Variants in TANC1 observed in about 807,000 individuals in gnomAD.
The protein encoded by TANC1 is tetratricopeptide repeat, ankyrin repeat and coiled-coil containing 1, also known as protein TANC1.
In TANC1, 77 loss-of-function variants were observed where a neutral mutation model predicts 149.7. The observed-to-expected ratio is 0.51, with a 90% CI of 0.43 to 0.62. The LOEUF is 0.62. TANC1 is among the 20% of genes least tolerant of loss of function. The pLI is 0.00. For missense variants in TANC1, 1,985 were observed against 2,321.8 expected (o/e 0.85, Z 2.98); for synonymous variants, 854 against 925.0 (o/e 0.92, Z 1.39).
At chr2:159,184,342 G>C (rs746288887) in intron 14 of TANC1, among the ~76,000 whole-genome samples, 3 of 152,214 alleles carry the variant, frequency 2.0e-5, no homozygotes, top group Non-Finnish European at 4.4e-5. Context: ...TATGGGCAGG[G>C]TATGCAGGAG....
chr2:159,162,387 G>A (rs1044594597), intron 7 of TANC1, among the ~76,000 whole-genome samples: 1 of 152,108 alleles, frequency 6.6e-6, no homozygotes, highest in Non-Finnish European at 1.5e-5. Flanking sequence ...TCTCAAGGAC[G>A]CAGCCAGCGT....
intron 19 of TANC1, among the ~76,000 whole-genome samples, chr2:159,212,261 G>A (rs528682952): frequency 7.7e-4 from 118 of 152,316 alleles, no homozygotes; most frequent in African/African-American, 2.6e-3. Flanking sequence ...GAGCCCATGC[G>A]TCTTTGTTTT....
intron 7 of TANC1, among the ~76,000 whole-genome samples, chr2:159,162,554 C>T (rs7562520): frequency 1.3e-5 from 2 of 152,162 alleles, no homozygotes; most frequent in African/African-American, 4.8e-5. Flanking sequence ...GTTCTTTCTG[C>T]TCTTTTGCCA....
At chr2:159,007,117 C>T (rs1379019766) in intron 2 of TANC1, among the ~76,000 whole-genome samples, 1 of 138,944 alleles carries the variant, frequency 7.2e-6, no homozygotes, top group Non-Finnish European at 1.6e-5. Context: ...TACAGGTGTA[C>T]TGTTTTTTAT....
chr2:159,067,963 A>C (rs1298634235), intron 3 of TANC1, among the ~76,000 whole-genome samples: 5 of 152,254 alleles, frequency 3.3e-5, no homozygotes, highest in Non-Finnish European at 7.3e-5. Flanking sequence ...TTTAAAAGCA[A>C]CTATTGCTTT....
At chr2:159,195,944 AG>A (rs1448803144) in intron 17 of TANC1, among the ~76,000 whole-genome samples, 1 of 152,216 alleles carries the variant, frequency 6.6e-6, no homozygotes, top group Non-Finnish European at 1.5e-5. Context: ...GGGTTTAGAC[AG>A]GGCATGAAGG....
rs1313030056 is a variant in TANC1, at chr2:159,102,735, T to TTTTTC, written c.259+4902_259+4903insTTTCT. On this transcript the variant is annotated intron_variant, in intron 4 of 26. Transcript: ENST00000263635. ...TGCTTTTTTTTTTTTTTTTTTTTTT[T>TTTTTC]TGAGATGGAGTCTCGCTCTATTGCC... Among the ~76,000 whole-genome samples the TTTTTC allele has an allele frequency of 2.9e-4, 15 of 51,076 alleles. 3 individuals are homozygous for TTTTTC. The highest frequency in any genetic ancestry group is 7.4e-4 in the Non-Finnish European group (14 of 18,822). 33.5% of individuals were successfully genotyped at this position (51,076 alleles called of 152,430 possible).
At chr2:159,225,582 A>G in intron 23 of TANC1, 106 bp from the exon 24 acceptor site, 1 of 823,914 alleles carries the variant, frequency 1.2e-6, no homozygotes, top group Non-Finnish European at 2.1e-6. Flanking sequence ...TGGTCCTTGC[A>G]GCTGGGCTCC....
intron 2 of TANC1, among the ~76,000 whole-genome samples, chr2:159,057,280 A>C (rs1459409675): frequency 6.6e-6 from 1 of 152,078 alleles, no homozygotes; most frequent in African/African-American, 2.4e-5. Flanking sequence ...CCTTCACTGC[A>C]CCTCTTACCT....
intron 4 of TANC1, among the ~76,000 whole-genome samples, chr2:159,135,517 C>A (rs1381962006): frequency 1.3e-5 from 2 of 152,238 alleles, no homozygotes; most frequent in African/African-American, 4.8e-5. Flanking sequence ...GTGAGGGTTC[C>A]ATCCAGTCTT....
intron 2 of TANC1, among the ~76,000 whole-genome samples, chr2:159,024,354 C>T (rs1048787496): frequency 6.6e-6 from 1 of 152,120 alleles, no homozygotes; most frequent in Non-Finnish European, 1.5e-5. Context: ...CAGTATTGTA[C>T]GGTAATGTCC....
chr2:159,073,212 C>T (rs1002593006), intron 3 of TANC1, among the ~76,000 whole-genome samples: 6 of 152,138 alleles, frequency 3.9e-5, no homozygotes, highest in Admixed American at 6.5e-5. Context: ...CCTTGTCCCC[C>T]GACCTCTTCA....
chr2:159,201,007 AG>A (rs1485541327), intron 19 of TANC1, among the ~76,000 whole-genome samples: 1 of 152,180 alleles, frequency 6.6e-6, no homozygotes, highest in Non-Finnish European at 1.5e-5. Flanking sequence ...AGTTTACTTG[AG>A]ACGTTTGTTA....
At chr2:159,096,291 G>A (rs1191494655) in intron 3 of TANC1, among the ~76,000 whole-genome samples, 1 of 113,476 alleles carries the variant, frequency 8.8e-6, no homozygotes, top group South Asian at 3.6e-4. Context: ...AGGACTGGCT[G>A]TATTTTTTTT....
chr2:159,117,270 G>C (rs1386914762), intron 4 of TANC1, among the ~76,000 whole-genome samples: 1 of 152,170 alleles, frequency 6.6e-6, no homozygotes, highest in African/African-American at 2.4e-5. Flanking sequence ...GATTTATAGA[G>C]AAGTTGCAAA....
intron 5 of TANC1, among the ~76,000 whole-genome samples, chr2:159,140,102 G>T (rs1267509532): frequency 2.0e-5 from 3 of 151,936 alleles, no homozygotes; most frequent in Admixed American, 1.3e-4. Context: ...GCACCTCTCT[G>T]GTCCCAGCTA....
intron 18 of TANC1, among the ~76,000 whole-genome samples, chr2:159,197,625 A>G: frequency 7.0e-6 from 1 of 143,750 alleles, no homozygotes; most frequent in Non-Finnish European, 1.6e-5. Context: ...ACACACACAC[A>G]CACAGAGAGA....
intron 2 of TANC1, among the ~76,000 whole-genome samples, chr2:159,045,793 T>C (rs1449603465): frequency 6.6e-6 from 1 of 152,230 alleles, no homozygotes; most frequent in Non-Finnish European, 1.5e-5. Context: ...CCTTGTGCCA[T>C]AATTCATATC....
intron 4 of TANC1, among the ~76,000 whole-genome samples, chr2:159,112,385 A>G (rs75622575): frequency 0.17 from 25,697 of 151,924 alleles, 2,294 homozygotes; most frequent in Middle Eastern, 0.25. Context: ...CCTCCCAAGT[A>G]GCTGGGACTA....
Sources: gnomAD v4.1 joint callset for allele counts (sites outside exome capture counted in the v4.1 genomes callset) on GRCh38, gnomAD v4.1.1 for gene constraint, MANE v1.5 for transcripts, NCBI Gene and HGNC (gene_info 2026-07-23, HGNC 2026-07-21) for gene names.